Variants in OPCML observed in about 807,000 individuals in gnomAD.
OPCML encodes opioid-binding protein/cell adhesion molecule.
A neutral mutation model predicts 37.8 loss-of-function variants in OPCML; 13 were observed. That is an observed-to-expected ratio of 0.34 (90% CI 0.22 to 0.55). The LOEUF is 0.55. Among genes scored for constraint, OPCML ranks in the 20% least tolerant of loss-of-function variants. The probability of loss-of-function intolerance (pLI) is 0.91; values close to 1 mark genes in which losing one functional copy is unlikely to be tolerated. For missense variants in OPCML, 341 were observed against 435.6 expected (o/e 0.78, Z 1.93); for synonymous variants, 176 against 168.8 (o/e 1.04, Z -0.33).
chr11:132,643,861 C>G (rs945279133), intron 3 of OPCML, among the ~76,000 whole-genome samples: 4 of 152,158 alleles, frequency 2.6e-5, no homozygotes, highest in Non-Finnish European at 5.9e-5. Context: ...AATTGTAAAT[C>G]ACATATGAAA....
intron 1 of OPCML, among the ~76,000 whole-genome samples, chr11:133,365,077 CACACACTT>C (rs1027971377): frequency 2.0e-5 from 3 of 151,772 alleles, no homozygotes; most frequent in African/African-American, 7.3e-5. Flanking sequence ...CACACACACA[CACACACTT>C]ATATACCCAT....
chr11:132,909,994 C>G (rs1944368011), intron 2 of OPCML, among the ~76,000 whole-genome samples: 1 of 152,138 alleles, frequency 6.6e-6, no homozygotes, highest in Admixed American at 6.5e-5. Flanking sequence ...TGTTTTTAAC[C>G]ATCACTGTGT....
chr11:132,804,747 G>C (rs1282624020), intron 2 of OPCML, among the ~76,000 whole-genome samples: 1 of 152,154 alleles, frequency 6.6e-6, no homozygotes, highest in East Asian at 1.9e-4. Flanking sequence ...TGGCTAGTTA[G>C]ACCAGTGTGA....
At chr11:132,458,635 A>T (rs887638192) in intron 4 of OPCML, among the ~76,000 whole-genome samples, 1 of 152,214 alleles carries the variant, frequency 6.6e-6, no homozygotes, top group Non-Finnish European at 1.5e-5. Flanking sequence ...TAATTTTTTT[A>T]AAAATAATGA....
chr11:132,598,644 A>G (rs946789313), intron 3 of OPCML, among the ~76,000 whole-genome samples: 1 of 152,164 alleles, frequency 6.6e-6, no homozygotes, highest in Non-Finnish European at 1.5e-5. Flanking sequence ...GATTTGCACT[A>G]TAATTTGTTT....
intron 1 of OPCML, among the ~76,000 whole-genome samples, chr11:133,243,002 G>A (rs898385770): frequency 1.3e-5 from 2 of 152,192 alleles, no homozygotes; most frequent in East Asian, 3.8e-4. Context: ...TCTGCTTTCT[G>A]TCTCTGTTTG....
At chr11:133,391,572 T>C (rs1236685008) in intron 1 of OPCML, among the ~76,000 whole-genome samples, 1 of 152,008 alleles carries the variant, frequency 6.6e-6, no homozygotes, top group Non-Finnish European at 1.5e-5. Context: ...AGCCACCATA[T>C]CCCTCCATCA....
intron 1 of OPCML, among the ~76,000 whole-genome samples, chr11:133,317,351 T>G (rs1943227435): frequency 6.6e-6 from 1 of 152,206 alleles, no homozygotes; most frequent in Non-Finnish European, 1.5e-5. Context: ...GTTTCAAAAT[T>G]TGAAAACTTA....
intron 3 of OPCML, among the ~76,000 whole-genome samples, chr11:132,552,702 G>A (rs2096384680): frequency 6.7e-6 from 1 of 149,618 alleles, no homozygotes; most frequent in Non-Finnish European, 1.5e-5. Context: ...CCTGTTTTAG[G>A]TATCGTTTCC....
intron 1 of OPCML, among the ~76,000 whole-genome samples, chr11:133,030,112 A>G (rs1292871138): frequency 6.6e-6 from 1 of 152,102 alleles, no homozygotes. Context: ...TGGCCACACT[A>G]CATTCCCAGA....
chr11:132,611,787 T>C (rs750538464), intron 3 of OPCML, among the ~76,000 whole-genome samples: 11 of 152,108 alleles, frequency 7.2e-5, no homozygotes, highest in Admixed American at 2.0e-4. Flanking sequence ...AGTAATTTAA[T>C]TGGAGGCAGT....
intron 1 of OPCML, among the ~76,000 whole-genome samples, chr11:133,184,510 C>T (rs1204061312): frequency 6.6e-6 from 1 of 152,140 alleles, no homozygotes; most frequent in African/African-American, 2.4e-5. Flanking sequence ...ATCCTGCTGG[C>T]TTGAGGAGCG....
chr11:133,126,344 G>A (rs146548325), intron 1 of OPCML, among the ~76,000 whole-genome samples: 21 of 152,140 alleles, frequency 1.4e-4, no homozygotes, highest in African/African-American at 3.6e-4. Flanking sequence ...TGATGCCCAC[G>A]CACACTGTGA....
intron 2 of OPCML, among the ~76,000 whole-genome samples, chr11:132,810,015 A>G (rs1202594884): frequency 6.6e-6 from 1 of 151,746 alleles, no homozygotes; most frequent in African/African-American, 2.4e-5. Flanking sequence ...ACGCCCGGCT[A>G]ATTTTTTGTA....
chr11:133,038,689 T>C (rs1947829279), intron 1 of OPCML, among the ~76,000 whole-genome samples: 1 of 152,150 alleles, frequency 6.6e-6, no homozygotes, highest in South Asian at 2.1e-4. Flanking sequence ...AGCTAGCAAG[T>C]GGCAGGGCTG....
intron 4 of OPCML, among the ~76,000 whole-genome samples, chr11:132,480,648 C>T (rs11821123): frequency 6.6e-6 from 1 of 152,040 alleles, no homozygotes; most frequent in Non-Finnish European, 1.5e-5. Flanking sequence ...AAAGGGAAGC[C>T]CATCAGACTA....
chr11:132,940,046 G>A (rs2136664849), intron 2 of OPCML, among the ~76,000 whole-genome samples: 1 of 152,198 alleles, frequency 6.6e-6, no homozygotes, highest in East Asian at 1.9e-4. Flanking sequence ...GTTATGAGGA[G>A]GATAATATTG....
intron 1 of OPCML, among the ~76,000 whole-genome samples, chr11:133,228,233 T>C (rs1940124440): frequency 6.6e-6 from 1 of 152,078 alleles, no homozygotes; most frequent in South Asian, 2.1e-4. Context: ...CAAGACATGG[T>C]CCCTTCACCC....
At chr11:133,374,471 G>A (rs1252595140) in intron 1 of OPCML, among the ~76,000 whole-genome samples, 2 of 152,116 alleles carry the variant, frequency 1.3e-5, no homozygotes, top group Admixed American at 6.5e-5. Flanking sequence ...TCTATCGTGT[G>A]TCCATTATAT....
Sources: allele counts gnomAD v4.1 joint callset (sites outside exome capture counted in the v4.1 genomes callset), GRCh38; gene constraint gnomAD v4.1.1; transcripts MANE v1.5; gene names NCBI Gene and HGNC (gene_info 2026-07-23, HGNC 2026-07-21).